The following AHRR variants were observed in gnomAD, a reference collection of about 807,000 sequenced individuals.
AHRR encodes aryl hydrocarbon receptor repressor.
In AHRR, 28 loss-of-function variants were observed where a neutral mutation model predicts 44.0. That is an observed-to-expected ratio of 0.64 (90% confidence interval 0.47 to 0.87). The LOEUF is 0.87. AHRR is among the 40% of genes least tolerant of loss of function. The pLI, the probability that AHRR is intolerant of heterozygous loss-of-function variation, is 0.00. For missense variants in AHRR, 990 were observed against 953.9 expected (o/e 1.04, Z -0.50); for synonymous variants, 434 against 407.0 (o/e 1.07, Z -0.80).
chr5:426,537 GGATA>G (rs1171360036), intron 7 of AHRR, among the ~76,000 whole-genome samples: 3 of 150,986 alleles, frequency 2.0e-5, no homozygotes, highest in African/African-American at 7.3e-5. Flanking sequence ...GATGACGGAT[GGATA>G]GATGGACAGA....
intron 5 of AHRR, 180 bp from the exon 6 acceptor site, chr5:422,549 A>C (rs1438068550): frequency 1.3e-6 from 1 of 770,510 alleles, no homozygotes; most frequent in Non-Finnish European, 2.1e-6. Context: ...CAACTTAGAC[A>C]TCTTCTCAGG....
chr5:429,149 A>G (rs965346965), intron 8 of AHRR, among the ~76,000 whole-genome samples: 1 of 152,230 alleles, frequency 6.6e-6, no homozygotes, highest in Admixed American at 6.5e-5. Context: ...TGCTGTGCCT[A>G]TAGAAACTGT....
intron 5 of AHRR, among the ~76,000 whole-genome samples, chr5:420,348 C>G (rs534880959): frequency 3.6e-4 from 55 of 152,344 alleles, no homozygotes; most frequent in Non-Finnish European, 4.9e-4. Flanking sequence ...CCCCTGGCAA[C>G]AGGAAGTCAA....
At chr5:365,424 A>T (rs569572282) in intron 3 of AHRR, among the ~76,000 whole-genome samples, 3 of 152,314 alleles carry the variant, frequency 2.0e-5, no homozygotes, top group African/African-American at 7.2e-5. Flanking sequence ...AGAAAAGAAG[A>T]TGTAATTTAG....
intron 3 of AHRR, among the ~76,000 whole-genome samples, chr5:374,650 A>G (rs1743713755): frequency 6.6e-6 from 1 of 152,228 alleles, no homozygotes; most frequent in African/African-American, 2.4e-5. Context: ...CTCAGAGACC[A>G]GGGAGGGAGG....
chr5:427,979 C>G lies in AHRR; in HGVS notation c.881C>G (p.Ala294Gly), dbSNP rs1736542958. The G allele has an allele frequency of 1.9e-6, 3 of 1,613,978 alleles. No homozygotes were observed. Among genetic ancestry groups the G allele is most frequent in the Non-Finnish European group, 2.5e-6 (3 of 1,180,028 alleles). The change falls in exon 8 of 11, where the codon GCA becomes GGA. Residue 294 changes from alanine (A) to glycine (G), a missense_variant. Ala to Gly is a moderately conservative substitution (Grantham distance 60). Transcript: ENST00000684583. ...RSALLRAKPR[A>G]DTAATADAKV... ...GCGCTCCTGAGGGCAAAACCCAGAGCAGACACCGCAGCCACCGCGGATGCA... is the reference window on the plus strand; with the variant it reads ...GCGCTCCTGAGGGCAAAACCCAGAGGAGACACCGCAGCCACCGCGGATGCA...
Position 434,178 on chromosome 5 carries a change from C to G in AHRR, c.1438C>G (p.Leu480Val), listed in dbSNP as rs761975842. 1 of 1,597,672 alleles carries G rather than the reference C, an allele frequency of 6.3e-7. No individual in the cohort carries two copies. The highest frequency in any genetic ancestry group is 8.5e-7 in the Non-Finnish European group (1 of 1,172,246). Residue 480 changes from leucine (L) to valine (V), a missense_variant, in exon 11 of 11, where the codon CTC becomes GTC. By Grantham distance (32) the Leu-to-Val change is conservative (BLOSUM62 1). Transcript: ENST00000684583. ...DVGEDQVHPPLCHFPQRSLQH... is the reference protein window; with the variant it reads ...DVGEDQVHPPVCHFPQRSLQH... Reference sequence around the variant, plus strand: ...CGGTGAGGACCAGGTGCACCCTCCCCTCTGCCACTTTCCCCAGAGGAGCCT... The same window carrying G: ...CGGTGAGGACCAGGTGCACCCTCCCGTCTGCCACTTTCCCCAGAGGAGCCT...
chr5:433,200 C>T (rs946849621), intron 10 of AHRR, among the ~76,000 whole-genome samples: 7 of 152,092 alleles, frequency 4.6e-5, no homozygotes, highest in Admixed American at 1.3e-4. Flanking sequence ...GAGGATGCCC[C>T]GTGGGCTCTG....
chr5:376,526 G>T, intron 3 of AHRR, 84 bp from the exon 4 acceptor site: 13 of 1,436,420 alleles, frequency 9.1e-6, no homozygotes, highest in East Asian at 2.4e-5. Flanking sequence ...GGTGAACGCG[G>T]GGAAACACAG....
At chr5:393,369 C>G (rs1044440719) in intron 4 of AHRR, among the ~76,000 whole-genome samples, 1 of 152,218 alleles carries the variant, frequency 6.6e-6, no homozygotes, top group African/African-American at 2.4e-5. Flanking sequence ...GCTCACTAAC[C>G]GATCCTTCCT....
At chr5:396,237 C>T (rs77102333) in intron 4 of AHRR, among the ~76,000 whole-genome samples, 3,668 of 152,214 alleles carry the variant, frequency 0.024, 137 homozygotes, top group African/African-American at 0.079. Context: ...GGGCCTGGCA[C>T]CCCCATCCTC....
chr5:426,778 A>G (rs748061940), intron 7 of AHRR, among the ~76,000 whole-genome samples: 2 of 147,082 alleles, frequency 1.4e-5, no homozygotes, highest in Non-Finnish European at 3.0e-5. Context: ...GGACAGATGG[A>G]TGAATGGATA....
chr5:370,878 G>A lies in AHRR; in HGVS notation c.245-5732G>A, dbSNP rs1038331827. On this transcript the variant is annotated intron_variant, in intron 3 of 10. Coordinates refer to ENST00000684583, the MANE Select transcript of AHRR (RefSeq NM_001377236.1). This position sits in a 1 kb window ranked among gnomAD's most constrained non-coding sequence, Gnocchi z 4.5. ...GGAGGCACCCAGAGCACAGAGGCTG[G>A]GCCTGGTGTGGAGCTCTCGGCCGAC... is the stretch of plus-strand genomic sequence containing the variant. 6.7e-4 allele frequency among the ~76,000 whole-genome samples: 102 copies of A among 152,212 alleles called. No homozygotes were observed. The highest frequency in any genetic ancestry group is 2.4e-3 in the African/African-American group (101 of 41,464).
At chr5:427,675 TC>T in intron 7 of AHRR, 131 bp from the exon 8 acceptor site, 2 of 1,613,500 alleles carry the variant, frequency 1.2e-6, no homozygotes, top group Non-Finnish European at 1.7e-6. Context: ...GGCTCTGCTG[TC>T]CCGAGCCACT....
At position 434,254 on chromosome 5, in the gene AHRR, A is replaced by C. The variant is rs773890567; in HGVS notation, c.1514A>C (p.Tyr505Ser). ...PGAQRFATRG[Y>S]PMEDMKLQGV... The stretch of plus-strand genomic sequence containing the variant: ...GCTCAGCGTTTTGCCACGAGGGGCT[A>C]TCCCATGGAGGACATGAAGCTGCAA... Residue 505 changes from tyrosine to serine, a missense_variant, in exon 11 of 11, where the codon TAT (tyrosine) becomes TCT (serine). Coordinates refer to ENST00000684583, the MANE Select transcript of AHRR (RefSeq NM_001377236.1). The C allele has an allele frequency of 1.2e-6, 2 of 1,600,282 alleles. No homozygotes were observed. The highest frequency in any genetic ancestry group is 1.1e-5 in the South Asian group (1 of 88,390).
At position 326,471 on chromosome 5, in the gene AHRR, C is replaced by A. The variant is rs148685087; in HGVS notation, c.-11+4652C>A. 3.9e-5 allele frequency among the ~76,000 whole-genome samples: 6 copies of A among 152,342 alleles called. No individual in the cohort carries two copies. The highest frequency in any genetic ancestry group is 8.8e-5 in the Non-Finnish European group (6 of 68,028). ...TTTCATCTTATGAAGATACCACATT[C>A]TGTTTACTGATCCCTCAGCTGATGG... On this transcript the variant is annotated intron_variant, in intron 1 of 10. Coordinates refer to ENST00000684583, the MANE Select transcript of AHRR (RefSeq NM_001377236.1). The surrounding 1 kb of genome is among the most constrained non-coding windows in gnomAD (Gnocchi z 4.1).
chr5:393,169 T>C (rs554561772), intron 4 of AHRR, among the ~76,000 whole-genome samples: 1 of 152,354 alleles, frequency 6.6e-6, no homozygotes, highest in South Asian at 2.1e-4. Context: ...TCAGGTTGAT[T>C]TGCTGTTTCT....
At chr5:429,588 G>A (rs934248478) in intron 8 of AHRR, among the ~76,000 whole-genome samples, 6 of 152,216 alleles carry the variant, frequency 3.9e-5, no homozygotes, top group African/African-American at 7.2e-5. Context: ...GCCCCTCGGC[G>A]CTGCAGGCCC....
intron 7 of AHRR, among the ~76,000 whole-genome samples, chr5:424,668 C>T (rs894720360): frequency 6.6e-6 from 1 of 152,142 alleles, no homozygotes; most frequent in Non-Finnish European, 1.5e-5. Context: ...AAAATGTGCC[C>T]CACATCTGCC....
Sources: allele counts gnomAD v4.1 joint callset (sites outside exome capture counted in the v4.1 genomes callset), GRCh38; gene constraint gnomAD v4.1.1; non-coding constraint Gnocchi (gnomAD v3.1); transcripts MANE v1.5; gene names NCBI Gene and HGNC (gene_info 2026-07-23, HGNC 2026-07-21).